Variants in CNTNAP2 observed in about 807,000 individuals in gnomAD.
The protein encoded by CNTNAP2 is contactin associated protein 2.
Under a neutral mutation model 155.2 loss-of-function variants are expected in CNTNAP2, and 98 were observed. The ratio of observed to expected loss-of-function variants is 0.63; its 90% CI spans 0.54 to 0.75. CNTNAP2 has a LOEUF of 0.75. CNTNAP2 is among the 30% of genes least tolerant of loss of function. The pLI is 0.00. For synonymous variants in CNTNAP2, 651 were observed against 631.2 expected (o/e 1.03, Z -0.47); for missense variants, 1,727 against 1,688.1 (o/e 1.02, Z -0.40).
intron 13 of CNTNAP2, among the ~76,000 whole-genome samples, chr7:147,719,250 A>T (rs1311263290): frequency 6.6e-6 from 1 of 152,088 alleles, no homozygotes; most frequent in Non-Finnish European, 1.5e-5. Flanking sequence ...CTCTACTCCA[A>T]CTGCAAACAA....
chr7:147,289,708 C>G lies in CNTNAP2; in HGVS notation c.1349-10433C>G, dbSNP rs1584849032. Among the ~76,000 whole-genome samples the G allele has an allele frequency of 2.6e-5, 4 of 152,220 alleles. No individual in the cohort carries two copies. In the East Asian group the frequency reaches 7.7e-4, roughly 29 times the overall value. ...TAGGAATCAGTAATGGTTGAAAAAG[C>G]TACCAAAATTTTTTTCATGAACATT... On this transcript the variant is annotated intron_variant, in intron 8 of 23. Coordinates refer to ENST00000361727, the MANE Select transcript of CNTNAP2 (RefSeq NM_014141.6).
At chr7:147,328,287 C>T (rs1210621764) in intron 9 of CNTNAP2, among the ~76,000 whole-genome samples, 1 of 152,168 alleles carries the variant, frequency 6.6e-6, no homozygotes, top group Non-Finnish European at 1.5e-5. Flanking sequence ...AAGGAGCTCT[C>T]AGCAAAGGAT....
chr7:147,551,293 C>T (rs755441594), intron 11 of CNTNAP2, among the ~76,000 whole-genome samples: 13 of 152,096 alleles, frequency 8.5e-5, no homozygotes, highest in African/African-American at 2.4e-4. Flanking sequence ...CATTACAGTG[C>T]GAATAGTTTA....
chr7:146,898,441 TGA>T (rs1442178598), intron 3 of CNTNAP2, among the ~76,000 whole-genome samples: 10 of 151,888 alleles, frequency 6.6e-5, no homozygotes, highest in Non-Finnish European at 1.5e-4. Context: ...CCTAGTTAAA[TGA>T]GAGTTTCAAC....
intron 1 of CNTNAP2, among the ~76,000 whole-genome samples, chr7:146,541,669 A>G (rs1225073359): frequency 2.0e-5 from 3 of 151,972 alleles, no homozygotes; most frequent in African/African-American, 7.2e-5. Context: ...ACAGAGCAAT[A>G]GGCATTTGTA....
intron 8 of CNTNAP2, among the ~76,000 whole-genome samples, chr7:147,211,993 A>G (rs1420404447): frequency 6.6e-6 from 1 of 152,180 alleles, no homozygotes; most frequent in Non-Finnish European, 1.5e-5. Flanking sequence ...AATGTGTGCA[A>G]AAATTCTCGA....
chr7:147,868,212 C>A (rs1799266568), intron 13 of CNTNAP2, among the ~76,000 whole-genome samples: 1 of 152,312 alleles, frequency 6.6e-6, no homozygotes, highest in Non-Finnish European at 1.5e-5. Context: ...GGTCCCTCAG[C>A]TGCAGTTCTG....
At chr7:146,394,800 T>C (rs970263579) in intron 1 of CNTNAP2, among the ~76,000 whole-genome samples, 1 of 152,192 alleles carries the variant, frequency 6.6e-6, no homozygotes, top group Admixed American at 6.5e-5. Flanking sequence ...GTTTCATGCA[T>C]ATATTGCATA....
At chr7:147,143,153 C>T (rs1801634860) in intron 8 of CNTNAP2, among the ~76,000 whole-genome samples, 1 of 152,030 alleles carries the variant, frequency 6.6e-6, no homozygotes, top group Non-Finnish European at 1.5e-5. Flanking sequence ...TGGTTTGATT[C>T]ACACCTAGAC....
intron 2 of CNTNAP2, among the ~76,000 whole-genome samples, chr7:146,803,595 A>G (rs955302018): frequency 6.6e-6 from 1 of 152,218 alleles, no homozygotes; most frequent in Non-Finnish European, 1.5e-5. Context: ...ATCTGTGCCT[A>G]CAAGAGGAGC....
chr7:146,678,564 A>T (rs1800444971), intron 1 of CNTNAP2, among the ~76,000 whole-genome samples: 1 of 146,426 alleles, frequency 6.8e-6, no homozygotes, highest in Non-Finnish European at 1.5e-5. Context: ...GAATAATTCC[A>T]CAGTACTCAG....
At chr7:148,246,975 A>G (rs1168067196) in intron 20 of CNTNAP2, among the ~76,000 whole-genome samples, 1 of 152,198 alleles carries the variant, frequency 6.6e-6, no homozygotes, top group Non-Finnish European at 1.5e-5. Context: ...TGGATTAGAC[A>G]CAAACCTCTT....
chr7:147,811,710 C>T (rs1219765256), intron 13 of CNTNAP2, among the ~76,000 whole-genome samples: 1 of 152,124 alleles, frequency 6.6e-6, no homozygotes, highest in Non-Finnish European at 1.5e-5. Context: ...CCTAATTATT[C>T]AATGATCCCC....
At chr7:147,458,528 A>G (rs7779249) in intron 10 of CNTNAP2, among the ~76,000 whole-genome samples, 116,260 of 152,068 alleles carry the variant, frequency 0.76, 44,634 homozygotes, top group African/African-American at 0.83. Flanking sequence ...CTACAGATAC[A>G]CCAGGGCTTT....
intron 3 of CNTNAP2, among the ~76,000 whole-genome samples, chr7:146,932,250 G>T (rs1021433363): frequency 6.6e-6 from 1 of 152,188 alleles, no homozygotes; most frequent in Admixed American, 6.5e-5. Context: ...GATCAAGTGG[G>T]CTTCATCCCT....
intron 1 of CNTNAP2, among the ~76,000 whole-genome samples, chr7:146,253,661 G>T (rs111643976): frequency 6.6e-6 from 1 of 152,158 alleles, no homozygotes; most frequent in African/African-American, 2.4e-5. Flanking sequence ...ATTGGAGGCA[G>T]TCATCTGAGA....
At chr7:147,006,195 G>T (rs1379257568) in intron 3 of CNTNAP2, among the ~76,000 whole-genome samples, 2 of 151,930 alleles carry the variant, frequency 1.3e-5, no homozygotes, top group African/African-American at 4.8e-5. Flanking sequence ...GCTCAAAAAA[G>T]AAAAAAGCGT....
intron 16 of CNTNAP2, among the ~76,000 whole-genome samples, chr7:148,124,903 C>G (rs1006834506): frequency 6.6e-6 from 1 of 151,962 alleles, no homozygotes; most frequent in African/African-American, 2.4e-5. Context: ...TCATAAAAAT[C>G]AGGCAAAAAA....
chr7:147,095,008 G>T (rs1283865689), intron 4 of CNTNAP2, among the ~76,000 whole-genome samples: 2 of 151,434 alleles, frequency 1.3e-5, no homozygotes, highest in Non-Finnish European at 2.9e-5. Flanking sequence ...TCTTTCTGGG[G>T]CAACTTTATT....
Sources: allele counts gnomAD v4.1 joint callset (sites outside exome capture counted in the v4.1 genomes callset), GRCh38; gene constraint gnomAD v4.1.1; transcripts MANE v1.5; gene names NCBI Gene and HGNC (gene_info 2026-07-23, HGNC 2026-07-21).